Variants in TTN observed in about 807,000 individuals in gnomAD.
TTN encodes the protein titin.
In TTN, 1,525 loss-of-function variants were observed where a neutral mutation model predicts 3,223.0. The observed-to-expected ratio is 0.47, with a 90% CI of 0.45 to 0.49. TTN has a LOEUF of 0.49. Among genes scored for constraint, TTN ranks in the 20% least tolerant of loss-of-function variants. The pLI is 0.00. For synonymous variants in TTN, 14,094 were observed against 15,161.0 expected, an observed-to-expected ratio of 0.93 and a Z score of 5.17; for missense variants, 40,786 against 43,424.0, an observed-to-expected ratio of 0.94 and a Z score of 5.40.
Position 178,697,120 on chromosome 2 carries a change from C to T in TTN, c.30802+1G>A. The stretch of plus-strand genomic sequence containing the variant: ...AATAAAAATAATTTATCTTTATTTA[C>T]CTTTTGCTGGAATTAAGGTAGTAGG... On this transcript the variant is annotated splice_donor_variant, in intron 113 of 362. Transcript: ENST00000589042. LOFTEE classifies it high-confidence loss of function. The T allele has an allele frequency of 6.5e-7, 1 of 1,547,130 alleles. No individual in the cohort carries two copies.
At chr2:178,639,853 C>T (rs1280332424) in intron 222 of TTN, 65 bp from the exon 223 acceptor site, 8 of 1,476,112 alleles carry the variant, frequency 5.4e-6, no homozygotes, top group Non-Finnish European at 7.3e-6. Flanking sequence ...TATTTGGTAG[C>T]TTATTTGCCT....
chr2:178,704,509 C>A lies in TTN; in HGVS notation c.29962+1G>T, dbSNP rs774961188. Reference sequence around the variant, plus strand: ...TATTTCATAAGCCTTTTCTAACTTACCAATTACAGTTAGTTTAGCGCTAGC... The same window carrying A: ...TATTTCATAAGCCTTTTCTAACTTAACAATTACAGTTAGTTTAGCGCTAGC... On this transcript the variant is annotated splice_donor_variant, in intron 105 of 362. Coordinates refer to ENST00000589042, the MANE Select transcript of TTN (RefSeq NM_001267550.2). LOFTEE classifies it high-confidence loss of function. 8 of 1,602,594 alleles carry A rather than the reference C, an allele frequency of 5.0e-6. No individual in the cohort carries two copies. Among genetic ancestry groups the A allele is most frequent in the Non-Finnish European group, 5.1e-6 (6 of 1,173,860 alleles).
chr2:178,703,702 T>A (rs1004479600), intron 106 of TTN, among the ~76,000 whole-genome samples: 1 of 152,230 alleles, frequency 6.6e-6, no homozygotes, highest in African/African-American at 2.4e-5. Flanking sequence ...TGAAAAATAG[T>A]TGCTAATTGC....
chr2:178,790,811 A>G lies in TTN; in HGVS notation c.1697T>C (p.Met566Thr). 6.2e-7 allele frequency: 1 copy of G among 1,614,136 alleles called. No homozygotes were observed. The highest frequency in any genetic ancestry group is 8.5e-7 in the Non-Finnish European group (1 of 1,179,990). ...GGACTTTGCAGTGGCAACTACCACC[A>G]TGGATGCAGCAGTTATCTCAGTTTC... Reference protein sequence around the residue: ...RQETEITAASMVVVATAKSTK... With the variant: ...RQETEITAASTVVVATAKSTK... Residue 566 changes from methionine (M) to threonine (T), a missense_variant, in exon 11 of 363, where the codon ATG (methionine) becomes ACG (threonine). Coordinates refer to ENST00000589042, the MANE Select transcript of TTN (RefSeq NM_001267550.2).
chr2:178,650,818 C>T lies in TTN; in HGVS notation c.39642G>A (p.Lys13214=). The change falls in exon 209 of 363, where the codon AAG becomes AAA. Residue 13214 remains lysine (K), a synonymous_variant. Transcript: ENST00000589042. The part of the protein sequence containing the change: ...VPPAKVPEVP[K]KPVLEEKPAV... ...CTGGTTTCTCTTCCAAGACAGGTTT[C>T]TTTGGCACTTCTGGCACTTTAAAGA... 1.9e-6 allele frequency: 3 copies of T among 1,606,396 alleles called. No individual in the cohort carries two copies. Among genetic ancestry groups the T allele is most frequent in the Non-Finnish European group, 2.6e-6 (3 of 1,176,166 alleles).
At position 178,539,223 on chromosome 2, in the gene TTN, TGGA is replaced by T. The variant is rs769872288; in HGVS notation, c.98709_98711del (p.Pro32904del). ...AACTCTTGGTTACATCGAGTACTTC[TGGA>T]GGATTGCTTGGAGGTTCTGGAGGAT... is the stretch of plus-strand genomic sequence containing the variant. On this transcript the variant is annotated inframe_deletion, in exon 353 of 363. Coordinates refer to ENST00000589042, the MANE Select transcript of TTN (RefSeq NM_001267550.2). 9.3e-6 allele frequency: 15 copies of T among 1,613,576 alleles called. No individual in the cohort carries two copies. Among genetic ancestry groups the T allele is most frequent in the Non-Finnish European group, 1.3e-5 (15 of 1,179,660 alleles).
intron 146 of TTN, 125 bp from the exon 147 acceptor site, chr2:178,677,412 T>C: frequency 3.3e-6 from 2 of 613,532 alleles, no homozygotes; most frequent in Non-Finnish European, 4.7e-6. Context: ...TAATATGTGA[T>C]TTGAAAAGAC....
At chr2:178,758,414 CAT>C (rs779401556) in intron 44 of TTN, among the ~76,000 whole-genome samples, 38 of 152,230 alleles carry the variant, frequency 2.5e-4, no homozygotes, top group Non-Finnish European at 4.0e-4. Flanking sequence ...TCAAATTCCC[CAT>C]GTTACTGAGG....
intron 43 of TTN, among the ~76,000 whole-genome samples, chr2:178,761,528 G>A (rs2089197457): frequency 6.6e-6 from 1 of 152,172 alleles, no homozygotes; most frequent in Admixed American, 6.5e-5. Flanking sequence ...TGGAGATGTT[G>A]TTTTCTCATC....
chr2:178,621,596 A>G lies in TTN; in HGVS notation c.45228T>C (p.Tyr15076=). 1 of 1,612,414 alleles carries G rather than the reference A, an allele frequency of 6.2e-7. No homozygotes were observed. The highest frequency in any genetic ancestry group is 1.1e-5 in the South Asian group (1 of 91,050). Residue 15076 remains tyrosine (Y), a synonymous_variant, in exon 245 of 363, where the codon TAT becomes TAC. Coordinates refer to ENST00000589042, the MANE Select transcript of TTN (RefSeq NM_001267550.2). ...GDEEIIETGR[Y]EILTEGRKRI... ...TCTTCCGTCCTTCAGTCAGTATTTC[A>G]TATCTTCCTGTTTCAATGATCTCCT...
chr2:178,724,491 C>T lies in TTN; in HGVS notation c.20884G>A (p.Gly6962Arg). The change falls in exon 72 of 363, where the codon GGA becomes AGA. Residue 6962 changes from glycine to arginine, a missense_variant. Gly to Arg is a moderately radical substitution (Grantham distance 125). Transcript: ENST00000589042. The stretch of plus-strand genomic sequence containing the variant: ...TTACACTCCAGAGTGCACGTTTCTC[C>T]TACAGTCACCGTCATCGGTCCTGCC... ...EKAGPMTVTV[G>R]ETCTLECKVA... 2 of 1,609,120 alleles carry T rather than the reference C, an allele frequency of 1.2e-6. No homozygotes were observed. Among genetic ancestry groups the T allele is most frequent in the East Asian group, 2.2e-5 (1 of 44,732 alleles).
rs375037712 is a variant in TTN, at chr2:178,722,484, G to A, written c.22303C>T (p.Pro7435Ser). The A allele has an allele frequency of 4.0e-5, 64 of 1,613,314 alleles. No homozygotes were observed. The highest frequency in any genetic ancestry group is 5.3e-5 in the African/African-American group (4 of 74,870). ...TTTAATCGACAAGTGAGTGTAACAG[G>A]TAACCCCACAGTTTGTTCAATGTCC... ...LKDIEQTVGL[P>S]VTLTCRLNGS... Residue 7435 changes from proline (P) to serine (S), a missense_variant, in exon 77 of 363, where the codon CCT (proline) becomes TCT (serine). Coordinates refer to ENST00000589042, the MANE Select transcript of TTN (RefSeq NM_001267550.2).
intron 228 of TTN, 24 bp downstream of exon 228, chr2:178,635,141 A>C (rs773645531): frequency 3.1e-6 from 5 of 1,607,924 alleles, no homozygotes; most frequent in Admixed American, 1.7e-5. Flanking sequence ...TATGACTAAC[A>C]ATTTAAAATG....
rs781775918 is a variant in TTN, at chr2:178,563,313, CAACATAGCCTTT to C, written c.82807_82818del (p.Lys27603_Val27606del). 2 of 1,613,632 alleles carry C rather than the reference CAACATAGCCTTT, an allele frequency of 1.2e-6. No individual in the cohort carries two copies. Among genetic ancestry groups the C allele is most frequent in the South Asian group, 2.2e-5 (2 of 91,080 alleles). ...TCCGCAGCAGCTTCTTTGACCTCTA[CAACATAGCCTTT>C]AACAGGTGCGCCACCATCATAAATT... On this transcript the variant is annotated inframe_deletion, in exon 326 of 363. Coordinates refer to ENST00000589042, the MANE Select transcript of TTN (RefSeq NM_001267550.2). The surrounding 1 kb of genome is among the most constrained non-coding windows in gnomAD (Gnocchi z 4.5).
chr2:178,633,076 G>A (rs2059997273), intron 233 of TTN, 32 bp from the exon 234 acceptor site: 1 of 1,606,608 alleles, frequency 6.2e-7, no homozygotes, highest in South Asian at 1.1e-5. Flanking sequence ...AGGAAAGAAA[G>A]AACATCATTT....
intron 87 of TTN, 60 bp from the exon 88 acceptor site, chr2:178,717,442 G>C: frequency 6.4e-7 from 1 of 1,563,972 alleles, no homozygotes; most frequent in East Asian, 2.3e-5. Flanking sequence ...ATACAGAGCA[G>C]AAACTAAATG....
At position 178,557,477 on chromosome 2, in the gene TTN, A is replaced by G. The variant is rs1053653300; in HGVS notation, c.87785T>C (p.Val29262Ala). Residue 29262 changes from valine to alanine, a missense_variant, in exon 329 of 363, where the codon GTG (valine) becomes GCG (alanine). Val to Ala is a moderately conservative substitution (Grantham distance 64). Coordinates refer to ENST00000589042, the MANE Select transcript of TTN (RefSeq NM_001267550.2). ...TACGACTGCACTGCCTCCATTTGAC[A>G]CTGGTTCATGCCAGCCCACAGTGAT... ...ESITVGWHEPVSNGGSAVVGY... is the reference protein window; with the variant it reads ...ESITVGWHEPASNGGSAVVGY... The G allele has an allele frequency of 2.5e-6, 4 of 1,613,894 alleles. No homozygotes were observed. Among genetic ancestry groups the G allele is most frequent in the East Asian group, 4.5e-5 (2 of 44,834 alleles).
intron 354 of TTN, 109 bp downstream of exon 354, chr2:178,538,431 A>G: frequency 4.6e-6 from 5 of 1,089,372 alleles, no homozygotes; most frequent in Non-Finnish European, 6.3e-6. Context: ...TTCTTTCTTA[A>G]CACTTGCTCT....
rs886042414 is a variant in TTN at position 178,609,417 on chromosome 2, GCTGCACGCTT to G, written c.51883_51892del (p.Lys17295HisfsTer21). 1 of 1,612,246 alleles carries G rather than the reference GCTGCACGCTT, an allele frequency of 6.2e-7. No individual in the cohort carries two copies. Among genetic ancestry groups the G allele is most frequent in the Non-Finnish European group, 8.5e-7 (1 of 1,179,020 alleles). On this transcript the variant is annotated frameshift_variant, in exon 273 of 363. Transcript: ENST00000589042. LOFTEE classifies it high-confidence loss of function. ...ACCCTTCCTTCTCCTAACCAAGGGT[GCTGCACGCTT>G]CTTAATTTCCTCTGGTACAATAACA...
Sources: gnomAD v4.1 joint callset for allele counts (sites outside exome capture counted in the v4.1 genomes callset) on GRCh38, gnomAD v4.1.1 for gene constraint, Gnocchi (gnomAD v3.1) non-coding constraint, MANE v1.5 for transcripts, NCBI Gene and HGNC (gene_info 2026-07-23, HGNC 2026-07-21) for gene names.